NFATC2: variants seen among roughly 807,000 people sequenced by gnomAD.
The protein encoded by NFATC2 is nuclear factor of activated T-cells, cytoplasmic 2.
A neutral mutation model predicts 87.3 loss-of-function variants in NFATC2; 22 were observed. The observed-to-expected ratio is 0.25, with a 90% confidence interval of 0.18 to 0.36. NFATC2 has a LOEUF of 0.36. Ranked by LOEUF, NFATC2 falls within the 10% of genes least tolerant of loss-of-function variation. NFATC2 has a pLI of 1.00. For missense variants in NFATC2, 1,149 were observed against 1,259.1 expected (o/e 0.91, Z 1.32); for synonymous variants, 565 against 542.2 (o/e 1.04, Z -0.58).
chr20:51,523,456 G>A lies in NFATC2; in HGVS notation c.785C>T (p.Ala262Val), dbSNP rs1273843894. Residue 262 changes from alanine to valine, a missense_variant, in exon 2 of 11, where the codon GCC becomes GTC. This residue lies in a region of NFATC2 where 563 missense variants were observed against 585.2 expected (regional missense o/e 0.96). Transcript: ENST00000371564. This position sits in a 1 kb window ranked among gnomAD's most constrained non-coding sequence, Gnocchi z 6.9. ...CTGGGGTGAGGCTCCGGGCGGCAGG[G>A]CAACCAAGGCCTCGGCGCACGAATG... ...RRHSCAEALV[A>V]LPPGASPQRS... 4.3e-6 allele frequency: 7 copies of A among 1,609,346 alleles called. No individual in the cohort carries two copies. Among genetic ancestry groups the A allele is most frequent in the African/African-American group, 2.7e-5 (2 of 74,774 alleles).
intron 9 of NFATC2, among the ~76,000 whole-genome samples, chr20:51,421,148 G>T (rs558951041): frequency 6.6e-6 from 1 of 151,968 alleles, no homozygotes; most frequent in South Asian, 2.1e-4. Flanking sequence ...GAATATAACA[G>T]GATGAAGGTG....
rs557243378 is a variant in NFATC2, at chr20:51,398,172, A to G, written c.*44+471T>C. The stretch of plus-strand genomic sequence containing the variant: ...CGGGAGGAGCTGAAACCTTGAGTGG[A>G]GGGAATCAGGATTGGAAATGACCTA... On this transcript the variant is annotated intron_variant, in intron 10 of 10. Coordinates refer to ENST00000371564, the MANE Select transcript of NFATC2 (RefSeq NM_012340.5). Among the ~76,000 whole-genome samples, 29 of 151,006 alleles carry G rather than the reference A, an allele frequency of 1.9e-4. 1 individual carries two copies. The South Asian group carries it at 5.6e-3, about 29-fold the overall frequency.
rs188695966 is a variant in NFATC2 at position 51,419,898 on chromosome 20, G to C, written c.2722+12169C>G. On this transcript the variant is annotated intron_variant, in intron 9 of 10. Transcript: ENST00000371564. The stretch of plus-strand genomic sequence containing the variant: ...GCTAAGCCAGAGAAAGAAAGGACAG[G>C]AAGTCATATTATTTCAGTCCTTCAA... Among the ~76,000 whole-genome samples, 9 of 151,742 alleles carry C rather than the reference G, an allele frequency of 5.9e-5. No homozygotes were observed. The East Asian group carries it at 1.7e-3, about 29-fold the overall frequency.
intron 5 of NFATC2, among the ~76,000 whole-genome samples, chr20:51,459,388 T>TG (rs1986901438): frequency 6.6e-6 from 1 of 151,966 alleles, no homozygotes; most frequent in Non-Finnish European, 1.5e-5. Flanking sequence ...CGGGGCTCAC[T>TG]GGGGGGTGGA....
At chr20:51,534,279 A>G (rs1352684903) in intron 1 of NFATC2, among the ~76,000 whole-genome samples, 2 of 151,954 alleles carry the variant, frequency 1.3e-5, no homozygotes, top group Admixed American at 1.3e-4. Context: ...GCACAGGGGG[A>G]AGGGCTGTAC....
In NFATC2 at chr20:51,480,390, A is replaced by G. The variant is rs1314555480; in HGVS notation, c.1333-4730T>C. On this transcript the variant is annotated intron_variant, in intron 3 of 10. Transcript: ENST00000371564. This position sits in a 1 kb window ranked among gnomAD's most constrained non-coding sequence, Gnocchi z 4.2. ...GGGAGATGGAGGGAGAGAAACAAACAGCAACCTAAACAAACAAAAACGGTA... is the reference window on the plus strand; with the variant it reads ...GGGAGATGGAGGGAGAGAAACAAACGGCAACCTAAACAAACAAAAACGGTA... 1.3e-5 allele frequency among the ~76,000 whole-genome samples: 2 copies of G among 152,188 alleles called. No individual in the cohort carries two copies. The highest frequency in any genetic ancestry group is 2.9e-5 in the Non-Finnish European group (2 of 68,034).
chr20:51,540,494 T>A (rs1206159193), intron 1 of NFATC2, among the ~76,000 whole-genome samples: 1 of 152,160 alleles, frequency 6.6e-6, no homozygotes, highest in Admixed American at 6.5e-5. Context: ...CCTCAGTTAA[T>A]AATGTGTCAA....
rs1291252282 is a variant in NFATC2 at position 51,432,222 on chromosome 20, C to T, written c.2567G>A (p.Ser856Asn). ...AATGACTGTGGGGTAGGAACCCGGGCTCAGCCTCTGACCTTGACTGACCGG... is the reference window on the plus strand; with the variant it reads ...AATGACTGTGGGGTAGGAACCCGGGTTCAGCCTCTGACCTTGACTGACCGG... ...PPPVSQGQRLSPGSYPTVIQQ... is the reference protein window; with the variant it reads ...PPPVSQGQRLNPGSYPTVIQQ... Residue 856 changes from serine to asparagine, a missense_variant, in exon 9 of 11, where the codon AGC becomes AAC. Coordinates refer to ENST00000371564, the MANE Select transcript of NFATC2 (RefSeq NM_012340.5). This position sits in a 1 kb window ranked among gnomAD's most constrained non-coding sequence, Gnocchi z 4.6. The T allele has an allele frequency of 6.2e-7, 1 of 1,613,728 alleles. No individual in the cohort carries two copies. Among genetic ancestry groups the T allele is most frequent in the Non-Finnish European group, 8.5e-7 (1 of 1,179,810 alleles).
chr20:51,391,081 C>T lies in NFATC2; in HGVS notation c.*415G>A, dbSNP rs556142242. On this transcript the variant is annotated 3_prime_UTR_variant, in exon 11 of 11. Coordinates refer to ENST00000371564, the MANE Select transcript of NFATC2 (RefSeq NM_012340.5). ...CCCCCCAAGCTCCAGTCACTCTGTT[C>T]TCAGGAGAGTTCCAGTGTCCTGTCT... 59 of 488,904 alleles carry T rather than the reference C, an allele frequency of 1.2e-4. No individual in the cohort carries two copies. The highest frequency in any genetic ancestry group is 1.1e-3 in the African/African-American group (56 of 51,740). The allele number at this position is 488,904 out of a possible 1,614,324, so 30.3% of individuals were successfully genotyped here.
intron 2 of NFATC2, among the ~76,000 whole-genome samples, chr20:51,519,556 G>T (rs1417422311): frequency 1.4e-5 from 2 of 146,466 alleles, no homozygotes; most frequent in South Asian, 2.2e-4. Context: ...CCCAGGAGGC[G>T]GAGGTTGCAG....
chr20:51,457,890 T>C (rs1410870325), intron 5 of NFATC2, among the ~76,000 whole-genome samples: 2 of 145,466 alleles, frequency 1.4e-5, no homozygotes, highest in African/African-American at 5.4e-5. Context: ...CTCGTCCTTT[T>C]TTTTTTTTTT....
chr20:51,410,818 A>G (rs1225596737), intron 9 of NFATC2, among the ~76,000 whole-genome samples: 1 of 152,194 alleles, frequency 6.6e-6, no homozygotes, highest in Non-Finnish European at 1.5e-5. Context: ...TCTCTCCCCC[A>G]GCACCCTGTT....
intron 9 of NFATC2, among the ~76,000 whole-genome samples, chr20:51,418,619 A>G (rs973693045): frequency 6.8e-6 from 1 of 146,992 alleles, no homozygotes; most frequent in South Asian, 2.2e-4. Context: ...TTAAGGCCTC[A>G]CCCTCATTCT....
At position 51,524,218 on chromosome 20, in the gene NFATC2, A is replaced by G; in HGVS notation, c.131-108T>C. ...GTCTCACGTCGTTTATTTTTTTCAA[A>G]TTCCCACCATGCCAAACCCCAAGCT... On this transcript the variant is annotated intron_variant, in intron 1 of 10. Transcript: ENST00000371564. This position sits in a 1 kb window ranked among gnomAD's most constrained non-coding sequence, Gnocchi z 4.0. The G allele has an allele frequency of 9.4e-7, 1 of 1,067,520 alleles. No homozygotes were observed. The highest frequency in any genetic ancestry group is 1.2e-6 in the Non-Finnish European group (1 of 810,074). 66.1% of individuals were successfully genotyped at this position (1,067,520 alleles called of 1,614,324 possible). A position where few individuals can be genotyped will look rare whatever the true frequency, so the allele number is the denominator to read the frequency against.
rs144367736 is a variant in NFATC2, at chr20:51,535,356, G to A, written c.130+7014C>T. On this transcript the variant is annotated intron_variant, in intron 1 of 10. Coordinates refer to ENST00000371564, the MANE Select transcript of NFATC2 (RefSeq NM_012340.5). ...CTCTTACTGATCCCCACATCCCCTC[G>A]CACAGCCTGAAAGGCTGATTTCCAT... Among the ~76,000 whole-genome samples, 4 of 152,222 alleles carry A rather than the reference G, an allele frequency of 2.6e-5. No individual in the cohort carries two copies. In the East Asian group the frequency reaches 5.8e-4, roughly 22 times the overall value.
intron 5 of NFATC2, among the ~76,000 whole-genome samples, chr20:51,473,436 GCA>G (rs2146508940): frequency 6.6e-6 from 1 of 152,280 alleles, no homozygotes; most frequent in South Asian, 2.1e-4. Flanking sequence ...TTGGTTGTGT[GCA>G]CAGTTTACCC....
intron 10 of NFATC2, 57 bp downstream of exon 10, chr20:51,398,586 C>G (rs1458619334): frequency 7.1e-6 from 9 of 1,275,142 alleles, no homozygotes; most frequent in Admixed American, 2.5e-5. Context: ...AAAAAAAATT[C>G]AAGTTAAGGA....
chr20:51,531,446 G>A (rs759843174), intron 1 of NFATC2, among the ~76,000 whole-genome samples: 1 of 152,210 alleles, frequency 6.6e-6, no homozygotes, highest in Non-Finnish European at 1.5e-5. Flanking sequence ...CTGTGAATAT[G>A]TGGAGAAATC....
intron 4 of NFATC2, 92 bp downstream of exon 4, chr20:51,475,366 A>T: frequency 4.2e-6 from 5 of 1,183,232 alleles, no homozygotes; most frequent in Non-Finnish European, 6.3e-6. Context: ...TGCTTCCATC[A>T]GTTCTGTAGA....
Sources: gnomAD v4.1 joint callset for allele counts (sites outside exome capture counted in the v4.1 genomes callset) on GRCh38, gnomAD v4.1.1 for gene constraint, gnomAD v4.1.1 regional missense constraint, Gnocchi (gnomAD v3.1) non-coding constraint, MANE v1.5 for transcripts, NCBI Gene and HGNC (gene_info 2026-07-23, HGNC 2026-07-21) for gene names.